Variants in ACAP2 observed in about 807,000 individuals in gnomAD.
ACAP2 encodes the protein arf-GAP with coiled-coil, ANK repeat and PH domain-containing protein 2.
A neutral mutation model predicts 115.8 loss-of-function variants in ACAP2; 39 were observed. The observed-to-expected ratio is 0.34, with a 90% CI of 0.26 to 0.44. ACAP2 has a LOEUF of 0.44. Among genes scored for constraint, ACAP2 ranks in the 20% least tolerant of loss-of-function variants. ACAP2 has a pLI of 1.00. For synonymous variants in ACAP2, 289 were observed against 315.8 expected, an observed-to-expected ratio of 0.92 and a Z score of 0.90; for missense variants, 662 against 927.6, an observed-to-expected ratio of 0.71 and a Z score of 3.72.
chr3:195,438,304 A>C (rs946231065), intron 1 of ACAP2, among the ~76,000 whole-genome samples: 3 of 151,870 alleles, frequency 2.0e-5, no homozygotes, highest in Non-Finnish European at 2.9e-5. Flanking sequence ...CTAGGATTAC[A>C]GGTTTGAGCC....
intron 1 of ACAP2, among the ~76,000 whole-genome samples, chr3:195,429,803 G>C (rs1427687616): frequency 6.6e-6 from 1 of 152,098 alleles, no homozygotes; most frequent in African/African-American, 2.4e-5. Context: ...TTAATCTTAT[G>C]TTTTCTCCTA....
chr3:195,292,494 G>A, intron 18 of ACAP2, 42 bp from the exon 19 acceptor site: 1 of 1,534,694 alleles, frequency 6.5e-7, no homozygotes, highest in African/African-American at 1.4e-5. Context: ...ATGAGCTCTT[G>A]GCAGAAAAAG....
chr3:195,342,360 A>T (rs1215782770), intron 6 of ACAP2, 111 bp downstream of exon 6: 3 of 1,082,140 alleles, frequency 2.8e-6, no homozygotes, highest in Non-Finnish European at 3.8e-6. Context: ...ATTATGTTTT[A>T]ACTTTAAGTT....
rs1416098307 is a variant in ACAP2, at chr3:195,308,779, C to T, written c.909+7G>A. 6 of 1,608,688 alleles carry T rather than the reference C, an allele frequency of 3.7e-6. 1 individual carries two copies. The South Asian group carries it at 4.5e-5, about 12-fold the overall frequency. ...AACTCACTGGGGTTTCATTTATTAA[C>T]ACCTACCTTAAATTTTTTCTGGTAA... On this transcript the variant is annotated splice_region_variant and intron_variant, in intron 11 of 22. Coordinates refer to ENST00000326793, the MANE Select transcript of ACAP2 (RefSeq NM_012287.6).
At chr3:195,348,727 T>C (rs1379643319) in intron 4 of ACAP2, among the ~76,000 whole-genome samples, 1 of 152,170 alleles carries the variant, frequency 6.6e-6, no homozygotes, top group Admixed American at 6.5e-5. Context: ...ACAAACTGTA[T>C]GACAGACACA....
intron 4 of ACAP2, among the ~76,000 whole-genome samples, chr3:195,358,709 T>C (rs1327691590): frequency 2.0e-5 from 3 of 151,958 alleles, no homozygotes; most frequent in African/African-American, 4.8e-5. Flanking sequence ...GAAGCATCCC[T>C]GTAAGATCTA....
intron 4 of ACAP2, among the ~76,000 whole-genome samples, chr3:195,373,804 A>G (rs572821607): frequency 6.6e-6 from 1 of 152,082 alleles, no homozygotes; most frequent in South Asian, 2.1e-4. Context: ...GGACACCTAT[A>G]ATCCCAGCTA....
Position 195,291,721 on chromosome 3 carries a change from A to G in ACAP2, c.2048T>C (p.Val683Ala). The G allele has an allele frequency of 6.2e-7, 1 of 1,613,696 alleles. No homozygotes were observed. Among genetic ancestry groups the G allele is most frequent in the Non-Finnish European group, 8.5e-7 (1 of 1,179,846 alleles). Reference sequence around the variant, plus strand: ...CTGCAGTTACCCTGTGTGCCCTAAGACGGTGGCATGGTGCAATGGTCCCCG... The same window carrying G: ...CTGCAGTTACCCTGTGTGCCCTAAGGCGGTGGCATGGTGCAATGGTCCCCG... ...QGRGPLHHAT[V>A]LGHTGQVCLF... Residue 683 changes from valine (V) to alanine (A), a missense_variant, in exon 20 of 23, where the codon GTC (valine) becomes GCC (alanine). Coordinates refer to ENST00000326793, the MANE Select transcript of ACAP2 (RefSeq NM_012287.6).
At chr3:195,437,647 C>G (rs1715646173) in intron 1 of ACAP2, among the ~76,000 whole-genome samples, 1 of 151,732 alleles carries the variant, frequency 6.6e-6, no homozygotes. Context: ...AACCCCGTCT[C>G]TACTAAAAAT....
chr3:195,361,242 C>G (rs866219361), intron 4 of ACAP2, among the ~76,000 whole-genome samples: 15 of 152,048 alleles, frequency 9.9e-5, no homozygotes, highest in Admixed American at 4.6e-4. Context: ...TGAGACCAGC[C>G]TGGCCAACAT....
intron 10 of ACAP2, among the ~76,000 whole-genome samples, chr3:195,312,344 G>A (rs1177667532): frequency 1.3e-5 from 2 of 152,130 alleles, no homozygotes; most frequent in Non-Finnish European, 2.9e-5. Context: ...GTAACGAACT[G>A]ACAATGTATT....
At chr3:195,420,073 TG>T (rs1219892373) in intron 1 of ACAP2, among the ~76,000 whole-genome samples, 4 of 152,222 alleles carry the variant, frequency 2.6e-5, no homozygotes, top group Non-Finnish European at 5.9e-5. Context: ...ACTTTTGCAA[TG>T]TCGAGTCTTC....
intron 1 of ACAP2, among the ~76,000 whole-genome samples, chr3:195,408,937 G>A (rs760418171): frequency 4.6e-5 from 7 of 151,754 alleles, no homozygotes; most frequent in African/African-American, 2.4e-5. Context: ...GGAATAAAAG[G>A]AAACTACTTC....
intron 2 of ACAP2, among the ~76,000 whole-genome samples, chr3:195,389,929 C>A (rs1734549625): frequency 6.6e-6 from 1 of 152,224 alleles, no homozygotes; most frequent in Non-Finnish European, 1.5e-5. Context: ...GGTGCAGTGG[C>A]TCATGCCTGT....
At position 195,285,821 on chromosome 3, in the gene ACAP2, T is replaced by C; in HGVS notation, c.2211A>G (p.Glu737=). 6.2e-7 allele frequency: 1 copy of C among 1,612,706 alleles called. No individual in the cohort carries two copies. The highest frequency in any genetic ancestry group is 1.1e-5 in the South Asian group (1 of 90,946). The change falls in exon 22 of 23, where the codon GAA becomes GAG. Residue 737 remains glutamate, a synonymous_variant. Transcript: ENST00000326793. The part of the protein sequence containing the change: ...RLARMNEEMR[E]SEGLYGQPGD... ...CTGGCTGTCCATAAAGTCCTTCTGA[T>C]TCCCGCATCTCTTCATTCATTCTTG... is the stretch of plus-strand genomic sequence containing the variant.
intron 1 of ACAP2, among the ~76,000 whole-genome samples, chr3:195,438,964 G>A (rs113560696): frequency 0.021 from 3,238 of 152,206 alleles, 112 homozygotes; most frequent in East Asian, 0.1. Flanking sequence ...GGGAGGCTGA[G>A]GCAGGAGAAC....
chr3:195,333,492 T>C (rs1038574807), intron 7 of ACAP2, among the ~76,000 whole-genome samples: 19 of 152,236 alleles, frequency 1.2e-4, no homozygotes, highest in Non-Finnish European at 2.5e-4. Context: ...TGAGCCACCA[T>C]GCCCAGCTCA....
intron 6 of ACAP2, among the ~76,000 whole-genome samples, chr3:195,341,460 G>C (rs892380243): frequency 2.0e-5 from 3 of 151,888 alleles, no homozygotes; most frequent in Non-Finnish European, 4.4e-5. Flanking sequence ...GAGTAGCTGG[G>C]ACTGCAGGCG....
intron 1 of ACAP2, among the ~76,000 whole-genome samples, chr3:195,437,814 C>CAA (rs535209837): frequency 5.5e-4 from 20 of 36,240 alleles, no homozygotes; most frequent in African/African-American, 6.5e-4. Flanking sequence ...GACTCTGTCT[C>CAA]AAAAAAAAAA....
Sources: allele counts gnomAD v4.1 joint callset (sites outside exome capture counted in the v4.1 genomes callset), GRCh38; gene constraint gnomAD v4.1.1; transcripts MANE v1.5; gene names NCBI Gene and HGNC (gene_info 2026-07-23, HGNC 2026-07-21).